ZBTB7C: variants seen among roughly 807,000 people sequenced by gnomAD.
ZBTB7C encodes the protein zinc finger and BTB domain containing 7C.
Under a neutral mutation model 25.7 loss-of-function variants are expected in ZBTB7C, and 8 were observed. That is an observed-to-expected ratio of 0.31 (90% confidence interval 0.18 to 0.56). ZBTB7C has a LOEUF of 0.56. Ranked by LOEUF, ZBTB7C falls within the 20% of genes least tolerant of loss-of-function variation. ZBTB7C has a pLI of 0.91. For synonymous variants in ZBTB7C, 394 were observed against 369.0 expected, an observed-to-expected ratio of 1.07 and a Z score of -0.78; for missense variants, 824 against 855.2, an observed-to-expected ratio of 0.96 and a Z score of 0.46.
At position 48,026,874 on chromosome 18, in the gene ZBTB7C, A is replaced by C. The variant is rs2035542354; in HGVS notation, c.*2386T>G. On this transcript the variant is annotated 3_prime_UTR_variant, in exon 5 of 5. Coordinates refer to ENST00000590800, the MANE Select transcript of ZBTB7C (RefSeq NM_001318841.2). The stretch of plus-strand genomic sequence containing the variant: ...CACATCTCACAGAAGTGCAACTCTC[A>C]ATATAATTTAATCAAGTCAATTAAT... The C allele has an allele frequency of 6.6e-6, 1 of 152,060 alleles. No homozygotes were observed. The highest frequency in any genetic ancestry group is 2.4e-5 in the African/African-American group (1 of 41,400). 9.4% of individuals were successfully genotyped at this position (152,060 alleles called of 1,614,324 possible).
rs549193058 is a variant in ZBTB7C, at chr18:48,178,006, GCAGCCCCTCCCTCTCCTTGCC to G, written c.-17+7907_-17+7927del. Among the ~76,000 whole-genome samples, 193 of 151,210 alleles carry G rather than the reference GCAGCCCCTCCCTCTCCTTGCC, an allele frequency of 1.3e-3. 1 individual carries two copies. Among genetic ancestry groups the G allele is most frequent in the Admixed American group, 2.2e-3 (33 of 15,202 alleles). On this transcript the variant is annotated intron_variant, in intron 3 of 4. Coordinates refer to ENST00000590800, the MANE Select transcript of ZBTB7C (RefSeq NM_001318841.2). ...CCCACCCTCACTGTCTCTACTTCCA[GCAGCCCCTCCCTCTCCTTGCC>G]CAGCCCCTCCCTCTCCTTGCCCCTT...
intron 2 of ZBTB7C, among the ~76,000 whole-genome samples, chr18:48,290,752 C>T (rs760756523): frequency 3.9e-5 from 6 of 152,144 alleles, no homozygotes; most frequent in Non-Finnish European, 7.4e-5. Flanking sequence ...TGCCCAGACA[C>T]CCTCCCACTA....
chr18:48,077,130 CT>C (rs1362617440), intron 3 of ZBTB7C: 1 of 426,796 alleles, frequency 2.3e-6, no homozygotes, highest in African/African-American at 2.2e-5. Flanking sequence ...AATACAGGCT[CT>C]CTTTAAAAAT....
At chr18:48,118,915 G>A (rs2039534475) in intron 3 of ZBTB7C, among the ~76,000 whole-genome samples, 1 of 151,956 alleles carries the variant, frequency 6.6e-6, no homozygotes, top group Non-Finnish European at 1.5e-5. Flanking sequence ...GATTCCTAAG[G>A]AGCTTATTCT....
At chr18:48,231,030 G>A (rs2105773) in intron 2 of ZBTB7C, among the ~76,000 whole-genome samples, 29,088 of 152,160 alleles carry the variant, frequency 0.19, 3,107 homozygotes, top group East Asian at 0.49. Flanking sequence ...CAAGGAGAAC[G>A]GGAGGGAGTC....
intron 3 of ZBTB7C, among the ~76,000 whole-genome samples, chr18:48,133,273 G>C (rs1212235358): frequency 6.6e-6 from 1 of 152,228 alleles, no homozygotes; most frequent in Non-Finnish European, 1.5e-5. Context: ...CATGGGTGCG[G>C]ATGAAGTGGA....
chr18:48,384,058 C>T (rs1239049676), intron 1 of ZBTB7C, among the ~76,000 whole-genome samples: 1 of 152,180 alleles, frequency 6.6e-6, no homozygotes, highest in Non-Finnish European at 1.5e-5. Context: ...TAACAACAAA[C>T]GTGGAGCCAG....
At chr18:48,333,670 G>A (rs1012828374) in intron 2 of ZBTB7C, among the ~76,000 whole-genome samples, 1 of 152,166 alleles carries the variant, frequency 6.6e-6, no homozygotes, top group African/African-American at 2.4e-5. Context: ...TGGTTTGAAG[G>A]ACTCTTTTAG....
chr18:48,392,532 G>A (rs529674181), intron 1 of ZBTB7C, among the ~76,000 whole-genome samples: 6 of 152,292 alleles, frequency 3.9e-5, no homozygotes, highest in Admixed American at 6.5e-5. Context: ...AGGAAGTTCC[G>A]TGCTTGAGCT....
chr18:48,242,120 A>G (rs2043547165), intron 2 of ZBTB7C, among the ~76,000 whole-genome samples: 1 of 152,180 alleles, frequency 6.6e-6, no homozygotes, highest in African/African-American at 2.4e-5. Context: ...AAATCCTGGA[A>G]GTATACAATC....
chr18:48,048,904 T>A (rs1300328642), intron 3 of ZBTB7C, among the ~76,000 whole-genome samples: 1 of 152,162 alleles, frequency 6.6e-6, no homozygotes, highest in Admixed American at 6.5e-5. Flanking sequence ...GTACAAATTT[T>A]ACGTCCATTT....
intron 3 of ZBTB7C, among the ~76,000 whole-genome samples, chr18:48,163,097 G>C (rs192078626): frequency 1.3e-5 from 2 of 152,194 alleles, no homozygotes; most frequent in Non-Finnish European, 2.9e-5. Flanking sequence ...ATGTAGGGGC[G>C]CTGGAATGAC....
chr18:48,364,776 A>C (rs749336559), intron 1 of ZBTB7C, among the ~76,000 whole-genome samples: 5 of 152,246 alleles, frequency 3.3e-5, no homozygotes, highest in Non-Finnish European at 7.3e-5. Flanking sequence ...AAACAGAAGT[A>C]TGTATACACC....
Position 48,399,723 on chromosome 18 carries a change from A to G in ZBTB7C, c.-304+9503T>C, listed in dbSNP as rs138009672. Among the ~76,000 whole-genome samples the G allele has an allele frequency of 4.9e-3, 747 of 152,348 alleles. 16 individuals carry two copies. The highest frequency in any genetic ancestry group is 0.017 in the African/African-American group (713 of 41,582). ...ACTTAGTGACAATCTCATTTTAAAA[A>G]GAGGAGACACTCCATAAAAGGAAAG... On this transcript the variant is annotated intron_variant, in intron 1 of 4. Coordinates refer to ENST00000590800, the MANE Select transcript of ZBTB7C (RefSeq NM_001318841.2).
In ZBTB7C at chr18:48,145,333, CT is replaced by C. The variant is rs2040466666; in HGVS notation, c.-17+40600del. 5.3e-5 allele frequency among the ~76,000 whole-genome samples: 8 copies of C among 152,270 alleles called. 1 individual carries two copies. The South Asian group carries it at 1.7e-3, about 32-fold the overall frequency. On this transcript the variant is annotated intron_variant, in intron 3 of 4. Coordinates refer to ENST00000590800, the MANE Select transcript of ZBTB7C (RefSeq NM_001318841.2). The stretch of plus-strand genomic sequence containing the variant: ...CCTCCTCTTACCACCTTCATCTTCC[CT>C]TCAGCTCCCTGGACCCTTCAGCATG...
At chr18:48,271,268 G>T (rs535588450) in intron 2 of ZBTB7C, among the ~76,000 whole-genome samples, 30 of 152,078 alleles carry the variant, frequency 2.0e-4, no homozygotes, top group African/African-American at 7.2e-4. Flanking sequence ...CCTTAATAAC[G>T]TCACACAGAG....
At chr18:48,282,956 A>C (rs1216986325) in intron 2 of ZBTB7C, among the ~76,000 whole-genome samples, 1 of 152,196 alleles carries the variant, frequency 6.6e-6, no homozygotes, top group Non-Finnish European at 1.5e-5. Flanking sequence ...AATGTGTGAA[A>C]ATTCATTGAA....
chr18:48,212,353 C>T (rs531285352), intron 2 of ZBTB7C, among the ~76,000 whole-genome samples: 5 of 152,144 alleles, frequency 3.3e-5, no homozygotes, highest in South Asian at 2.1e-4. Flanking sequence ...AGGTGGAGCA[C>T]AGAGGATGTT....
chr18:48,155,416 C>T (rs1029654404), intron 3 of ZBTB7C, among the ~76,000 whole-genome samples: 12 of 149,998 alleles, frequency 8.0e-5, no homozygotes, highest in African/African-American at 2.9e-4. Context: ...CAAGCTCCGC[C>T]CCCCGGGTTC....
Sources: gnomAD v4.1 joint callset for allele counts (sites outside exome capture counted in the v4.1 genomes callset) on GRCh38, gnomAD v4.1.1 for gene constraint, MANE v1.5 for transcripts, NCBI Gene and HGNC (gene_info 2026-07-23, HGNC 2026-07-21) for gene names.